Variants in RUVBL1 observed in about 807,000 individuals in gnomAD.
The protein encoded by RUVBL1 is RuvB like AAA ATPase 1.
RUVBL1 carries 4 observed loss-of-function variants against 52.4 expected under a neutral mutation model. The observed-to-expected ratio is 0.08, with a 90% CI of 0.04 to 0.17. The LOEUF (loss-of-function observed/expected upper bound fraction) is 0.17, where lower values mean the gene tolerates loss of function less well. RUVBL1 is among the 10% of genes least tolerant of loss of function. The probability of loss-of-function intolerance (pLI) is 1.00; values close to 1 mark genes in which losing one functional copy is unlikely to be tolerated. For synonymous variants in RUVBL1, 217 were observed against 214.4 expected (o/e 1.01, Z -0.10); for missense variants, 298 against 572.8 (o/e 0.52, Z 4.90).
chr3:128,128,870 C>T (rs1943835749), intron 1 of RUVBL1, among the ~76,000 whole-genome samples: 1 of 152,208 alleles, frequency 6.6e-6, no homozygotes. Context: ...CTAGCCAAGG[C>T]ATCTTTACTA....
At chr3:128,105,176 G>A (rs556936023) in intron 3 of RUVBL1, among the ~76,000 whole-genome samples, 9 of 148,932 alleles carry the variant, frequency 6.0e-5, no homozygotes, top group East Asian at 2.0e-4. Flanking sequence ...GCAGTGGCAC[G>A]ATCTCGACTC....
intron 3 of RUVBL1, among the ~76,000 whole-genome samples, chr3:128,110,532 T>C (rs1462562611): frequency 6.6e-6 from 1 of 152,166 alleles, no homozygotes; most frequent in Non-Finnish European, 1.5e-5. Flanking sequence ...AAATAATATA[T>C]TTCCAGTCAG....
Position 128,069,745 on chromosome 3 carries a change from C to T in RUVBL1, c.940-4525G>A, listed in dbSNP as rs1015145929. 3.6e-6 allele frequency: 4 copies of T among 1,103,470 alleles called. No individual in the cohort carries two copies. In the African/African-American group the frequency reaches 6.3e-5, roughly 17 times the overall value. 68.4% of individuals were successfully genotyped at this position (1,103,470 alleles called of 1,614,324 possible). A position where few individuals can be genotyped will look rare whatever the true frequency, so the allele number is the denominator to read the frequency against. The stretch of plus-strand genomic sequence containing the variant: ...CTCATCATGGCGCGTGCTGCTGCGG[C>T]ATATGGACTTTTAATAATGTTTTTG... On this transcript the variant is annotated intron_variant, in intron 9 of 9. Transcript: ENST00000464873.
In RUVBL1 at chr3:128,082,299, A is replaced by G. The variant is rs752304521; in HGVS notation, c.1211+184T>C. The G allele has an allele frequency of 3.5e-6, 2 of 568,918 alleles. No homozygotes were observed. Among genetic ancestry groups the G allele is most frequent in the Non-Finnish European group, 6.3e-6 (2 of 316,902 alleles). 35.2% of individuals were successfully genotyped at this position (568,918 alleles called of 1,614,324 possible). ...GACTTCACCCTTACTCTAGCTTGTT[A>G]AAAACCATCAGATAGATCCTCTGCA... On this transcript the variant is annotated intron_variant, in intron 10 of 10. Transcript: ENST00000322623. This position sits in a 1 kb window ranked among gnomAD's most constrained non-coding sequence, Gnocchi z 4.7.
Position 128,100,655 on chromosome 3 carries a change from C to A in RUVBL1, c.693G>T (p.Lys231Asn). 1 of 1,613,608 alleles carries A rather than the reference C, an allele frequency of 6.2e-7. No homozygotes were observed. Among genetic ancestry groups the A allele is most frequent in the Non-Finnish European group, 8.5e-7 (1 of 1,179,872 alleles). The part of the protein sequence containing the change: ...VPLPKGDVHK[K>N]KEIIQDVTLH... ...AGGTCACATCTTGGATGATTTCTTT[C>A]TTTTTGTGCACATCCCCTTTTGGCA... Residue 231 changes from lysine to asparagine, a missense_variant, in exon 6 of 11, where the codon AAG (lysine) becomes AAT (asparagine). Around this residue, in one of 5 missense-constraint regions of RUVBL1, gnomAD observed 161 missense variants for 298.3 expected, o/e 0.54. Transcript: ENST00000322623.
chr3:128,102,763 T>C (rs967055841), intron 4 of RUVBL1, among the ~76,000 whole-genome samples: 1 of 152,250 alleles, frequency 6.6e-6, no homozygotes, highest in Non-Finnish European at 1.5e-5. Flanking sequence ...GTGGTGATTG[T>C]ACAACTGTGA....
chr3:128,079,781 G>A (rs575644062), downstream of RUVBL1, among the ~76,000 whole-genome samples: 3 of 152,348 alleles, frequency 2.0e-5, no homozygotes, highest in African/African-American at 7.2e-5. Flanking sequence ...CTGTCCCCTT[G>A]ACATGACTAC....
At chr3:128,118,938 C>G (rs72986279) in intron 2 of RUVBL1, among the ~76,000 whole-genome samples, 3 of 152,148 alleles carry the variant, frequency 2.0e-5, no homozygotes, top group Non-Finnish European at 4.4e-5. Flanking sequence ...GCCACAATAG[C>G]GATGCGTAAA....
chr3:128,142,026 C>T (rs1341814002), intron 1 of RUVBL1: 1 of 152,266 alleles, frequency 6.6e-6, no homozygotes, highest in Non-Finnish European at 1.5e-5. Flanking sequence ...CTCACAGGAA[C>T]TGCTTTGGAG....
chr3:128,146,364 C>A (rs565136197), intron 1 of RUVBL1, among the ~76,000 whole-genome samples: 39 of 150,708 alleles, frequency 2.6e-4, no homozygotes, highest in African/African-American at 9.5e-4. Context: ...TTATGCATGG[C>A]CCCATTTGCC....
chr3:128,091,926 G>A (rs1487451140), intron 8 of RUVBL1, among the ~76,000 whole-genome samples: 1 of 152,118 alleles, frequency 6.6e-6, no homozygotes, highest in Non-Finnish European at 1.5e-5. Flanking sequence ...ACAGGGACAC[G>A]GATAACACAA....
Position 128,066,379 on chromosome 3 carries a change from A to G in RUVBL1, c.940-1159T>C, listed in dbSNP as rs75171230. On this transcript the variant is annotated intron_variant, in intron 9 of 9. Transcript: ENST00000464873. Reference sequence around the variant, plus strand: ...TAATGTGATAGGCTCTGTCTTTTGGAAAAAAAAAAAGTGGGGGTGGGGATC... The same window carrying G: ...TAATGTGATAGGCTCTGTCTTTTGGGAAAAAAAAAAGTGGGGGTGGGGATC... Among the ~76,000 whole-genome samples, 18 of 145,596 alleles carry G rather than the reference A, an allele frequency of 1.2e-4. No homozygotes were observed. In the South Asian group the frequency reaches 1.5e-3, roughly 12 times the overall value.
intron 1 of RUVBL1, among the ~76,000 whole-genome samples, chr3:128,150,701 C>A (rs1242977608): frequency 8.5e-6 from 1 of 117,130 alleles, no homozygotes; most frequent in African/African-American, 3.3e-5. Flanking sequence ...ATTATATATT[C>A]TATATATATT....
intron 3 of RUVBL1, among the ~76,000 whole-genome samples, chr3:128,106,235 A>G (rs34955225): frequency 0.14 from 20,797 of 152,190 alleles, 1,580 homozygotes; most frequent in African/African-American, 0.2. Context: ...AGCACCTTAC[A>G]TTAGAATATT....
intron 1 of RUVBL1, among the ~76,000 whole-genome samples, chr3:128,130,711 C>T (rs977916934): frequency 2.6e-5 from 4 of 151,376 alleles, no homozygotes; most frequent in Non-Finnish European, 5.9e-5. Context: ...AGTGCAGTGG[C>T]GCGATCTCGG....
rs1226390261 is a variant in RUVBL1, at chr3:128,130,615, T to TTTTA, written c.-39-11205_-39-11202dup. ...CTCTACAAAAAAAAAAAAAAAAAAA[T>TTTTA]TTTATTTATTTATGTATTTATTTAT... On this transcript the variant is annotated intron_variant, in intron 1 of 9. Transcript: ENST00000464873. Among the ~76,000 whole-genome samples, 122 of 91,304 alleles carry TTTTA rather than the reference T, an allele frequency of 1.3e-3. 1 individual carries two copies. The highest frequency in any genetic ancestry group is 4.2e-3 in the African/African-American group (92 of 22,138). The allele number at this position is 91,304 out of a possible 152,430, so 59.9% of individuals were successfully genotyped here.
At chr3:128,098,460 G>T (rs925000995) in intron 7 of RUVBL1, among the ~76,000 whole-genome samples, 4 of 152,180 alleles carry the variant, frequency 2.6e-5, no homozygotes, top group Admixed American at 1.3e-4. Context: ...TTAAATAAAG[G>T]TTCACAGGGG....
At chr3:128,084,371 A>G (rs1485719746) in intron 9 of RUVBL1, 1 of 152,272 alleles carries the variant, frequency 6.6e-6, no homozygotes, top group Non-Finnish European at 1.5e-5. Flanking sequence ...CCCCCTGAAC[A>G]CAGCTTCAAG....
chr3:128,150,227 A>G (rs1944165360), intron 1 of RUVBL1, among the ~76,000 whole-genome samples: 1 of 152,144 alleles, frequency 6.6e-6, no homozygotes, highest in East Asian at 1.9e-4. Context: ...GTATCCCTCC[A>G]AAATATCATG....
Sources: gnomAD v4.1 joint callset for allele counts (sites outside exome capture counted in the v4.1 genomes callset) on GRCh38, gnomAD v4.1.1 for gene constraint, gnomAD v4.1.1 regional missense constraint, Gnocchi (gnomAD v3.1) non-coding constraint, MANE v1.5 for transcripts, NCBI Gene and HGNC (gene_info 2026-07-23, HGNC 2026-07-21) for gene names.